Variants in CLCN5 observed in about 807,000 individuals in gnomAD.
CLCN5 encodes the protein Cl-/H+ antiporter 5, also known as H(+)/Cl(-) exchange transporter 5.
CLCN5 carries 17 observed loss-of-function variants against 54.0 expected under a neutral mutation model. The observed-to-expected ratio is 0.31, with a 90% CI of 0.22 to 0.47. CLCN5 has a LOEUF of 0.47. CLCN5 is among the 20% of genes least tolerant of loss of function. The probability of loss-of-function intolerance (pLI) is 1.00; values close to 1 mark genes in which losing one functional copy is unlikely to be tolerated. For synonymous variants in CLCN5, 222 were observed against 233.0 expected (o/e 0.95, Z 0.43); for missense variants, 448 against 646.7 (o/e 0.69, Z 3.33).
chrX:50,056,849 T>A (rs112705020), intron 4 of CLCN5, among the ~76,000 whole-genome samples: 12,543 of 111,778 alleles, frequency 0.11, 1,717 homozygotes, highest in African/African-American at 0.39. Flanking sequence ...ACCTTCCTGT[T>A]TTTTTCTCAT....
intron 3 of CLCN5, among the ~76,000 whole-genome samples, chrX:49,931,417 C>T (rs1468965725): frequency 8.9e-6 from 1 of 111,803 alleles, no homozygotes; most frequent in Non-Finnish European, 1.9e-5. Flanking sequence ...TTCCACTTTT[C>T]TGTAAATATC....
intron 3 of CLCN5, among the ~76,000 whole-genome samples, chrX:49,946,908 A>G (rs781881266): frequency 1.5e-4 from 16 of 109,471 alleles, no homozygotes; most frequent in African/African-American, 5.0e-4. Context: ...GGCTCACCAC[A>G]ACCTCCGCTT....
chrX:50,044,765 C>G (rs1329615504), intron 4 of CLCN5, among the ~76,000 whole-genome samples: 1 of 111,250 alleles, frequency 9.0e-6, no homozygotes, highest in Non-Finnish European at 1.9e-5. Flanking sequence ...AATGGCTTGA[C>G]CATTGTGCGG....
chrX:49,995,801 GC>G (rs1284414590), intron 3 of CLCN5, among the ~76,000 whole-genome samples: 6 of 111,962 alleles, frequency 5.4e-5, no homozygotes, highest in Non-Finnish European at 1.1e-4. Context: ...TCATTCAGCT[GC>G]CAGTTTTATC....
In CLCN5 at chrX:50,086,829, A is replaced by G. The variant is rs1933907362; in HGVS notation, c.1516A>G (p.Ile506Val). Residue 506 changes from isoleucine (I) to valine (V), a missense_variant, in exon 11 of 15, where the codon ATA (isoleucine) becomes GTA (valine). Coordinates refer to ENST00000376091, the MANE Select transcript of CLCN5 (RefSeq NM_001127898.4). ...SAMWQLALTLILKIVITIFTF... is the reference protein window; with the variant it reads ...SAMWQLALTLVLKIVITIFTF... ...AATGTGGCAGCTGGCTTTAACACTC[A>G]TACTGAAAATTGTCATTACTATATT... 1 of 1,211,361 alleles carries G rather than the reference A, an allele frequency of 8.3e-7. No individual in the cohort carries two copies. Among genetic ancestry groups the G allele is most frequent in the Non-Finnish European group, 1.1e-6 (1 of 895,433 alleles).
intron 3 of CLCN5, among the ~76,000 whole-genome samples, chrX:49,936,919 G>T (rs1557169852): frequency 9.0e-6 from 1 of 111,443 alleles, no homozygotes; most frequent in African/African-American, 3.3e-5. Context: ...ATGGAATGCT[G>T]TTCATTTCAT....
At position 50,086,714 on chromosome X, in the gene CLCN5, C is replaced by G. The variant is rs1557194029; in HGVS notation, c.1401C>G (p.Ser467=). The G allele has an allele frequency of 8.3e-6, 10 of 1,211,260 alleles. No individual in the cohort carries two copies. Among genetic ancestry groups the G allele is most frequent in the Non-Finnish European group, 1.0e-5 (9 of 895,489 alleles). Residue 467 remains serine, a synonymous_variant, in exon 11 of 15, where the codon TCC becomes TCG. Transcript: ENST00000376091. ...TTAATGACTGTGGCCTTCTGGACTCCTCCAAGCTCTGTGATTATGAGAACC... is the reference window on the plus strand; with the variant it reads ...TTAATGACTGTGGCCTTCTGGACTCGTCCAAGCTCTGTGATTATGAGAACC... ...ELFNDCGLLD[S]SKLCDYENRF...
chrX:49,986,537 T>G (rs561990060), intron 3 of CLCN5, among the ~76,000 whole-genome samples: 2 of 112,067 alleles, frequency 1.8e-5, no homozygotes, highest in South Asian at 7.3e-4. Flanking sequence ...AAGATTTATT[T>G]GTCTAAGTTT....
Position 50,032,172 on chromosome X carries a change from A to G in CLCN5, c.17-10144A>G, listed in dbSNP as rs1379495779. On this transcript the variant is annotated intron_variant, in intron 3 of 14. Transcript: ENST00000376091. ...CTTTGCTATTGTGAATAGTGCCGCA[A>G]TAAACATACATGTGCATGTGTCTTT... Among the ~76,000 whole-genome samples the G allele has an allele frequency of 2.4e-4, 27 of 111,400 alleles. No individual in the cohort carries two copies. In the East Asian group the frequency reaches 6.5e-3, roughly 27 times the overall value.
chrX:50,080,526 T>A, intron 7 of CLCN5, 68 bp from the exon 8 acceptor site: 1 of 910,407 alleles, frequency 1.1e-6, no homozygotes, highest in Non-Finnish European at 1.5e-6. Context: ...AAAACATTAC[T>A]CAGAAGAGCT....
chrX:49,982,145 A>G (rs1390453971), intron 3 of CLCN5, among the ~76,000 whole-genome samples: 1 of 111,327 alleles, frequency 9.0e-6, no homozygotes, highest in Admixed American at 9.6e-5. Context: ...TTTAAGAATA[A>G]ACATTATAAA....
chrX:49,959,822 A>G (rs1218451998), intron 3 of CLCN5, among the ~76,000 whole-genome samples: 1 of 111,086 alleles, frequency 9.0e-6, no homozygotes, highest in Non-Finnish European at 1.9e-5. Context: ...TCCCTGATGC[A>G]TCATCAGATG....
At chrX:49,970,399 A>T (rs1356727686) in intron 3 of CLCN5, among the ~76,000 whole-genome samples, 2 of 111,110 alleles carry the variant, frequency 1.8e-5, no homozygotes, top group African/African-American at 6.5e-5. Context: ...CACTATGCCC[A>T]TTAGTAGTCA....
rs1043516878 is a variant in CLCN5, at chrX:49,955,232, C to T, written c.16+29918C>T. Among the ~76,000 whole-genome samples, 6 of 111,608 alleles carry T rather than the reference C, an allele frequency of 5.4e-5. 1 individual carries two copies. The highest frequency in any genetic ancestry group is 8.5e-3 in the Middle Eastern group (2 of 236). ...CAGTGTCGACCTCAGCCTCTTGCCT[C>T]GTCTTGTGGACTGACTGTTGCCTCT... is the stretch of plus-strand genomic sequence containing the variant. On this transcript the variant is annotated intron_variant, in intron 3 of 14. Transcript: ENST00000376091.
At chrX:50,053,200 C>T (rs1255525030) in intron 4 of CLCN5, among the ~76,000 whole-genome samples, 1 of 111,476 alleles carries the variant, frequency 9.0e-6, no homozygotes, top group Non-Finnish European at 1.9e-5. Context: ...TTCAGTTAAT[C>T]AGTGAAAAAA....
At chrX:50,033,813 A>G (rs1569539137) in intron 3 of CLCN5, among the ~76,000 whole-genome samples, 1 of 112,035 alleles carries the variant, frequency 8.9e-6, no homozygotes, top group Non-Finnish European at 1.9e-5. Flanking sequence ...TATCGATATA[A>G]ATAAAAGCTC....
chrX:50,080,367 C>T (rs1933638659), intron 7 of CLCN5, among the ~76,000 whole-genome samples: 1 of 111,172 alleles, frequency 9.0e-6, no homozygotes, highest in African/African-American at 3.3e-5. Context: ...CCTTAGAATC[C>T]ATGGTAAATT....
At chrX:50,069,191 T>A (rs1305727962) in intron 4 of CLCN5, among the ~76,000 whole-genome samples, 1 of 111,993 alleles carries the variant, frequency 8.9e-6, no homozygotes, top group African/African-American at 3.2e-5. Context: ...GCAAAGTAGA[T>A]AAGGGACTAT....
chrX:50,080,766 G>C (rs781973587), intron 8 of CLCN5, 50 bp downstream of exon 8: 37 of 1,049,854 alleles, frequency 3.5e-5, no homozygotes, highest in African/African-American at 1.1e-4. Flanking sequence ...AATACTTTTT[G>C]GTTAAAATCT....
Sources: gnomAD v4.1 joint callset for allele counts (sites outside exome capture counted in the v4.1 genomes callset) on GRCh38, gnomAD v4.1.1 for gene constraint, MANE v1.5 for transcripts, NCBI Gene and HGNC (gene_info 2026-07-23, HGNC 2026-07-21) for gene names.